The following GPR157 variants were observed in gnomAD, a reference collection of about 807,000 sequenced individuals.
The protein encoded by GPR157 is G protein-coupled receptor 157, also known as G-protein coupled receptor 157.
A neutral mutation model predicts 23.5 loss-of-function variants in GPR157; 16 were observed. The ratio of observed to expected loss-of-function variants is 0.68; its 90% CI spans 0.46 to 1.04. The LOEUF is 1.04. Ranked by LOEUF, GPR157 falls within the 50% of genes least tolerant of loss-of-function variation. The probability of loss-of-function intolerance (pLI) is 0.00; values close to 1 mark genes in which losing one functional copy is unlikely to be tolerated. For missense variants in GPR157, 440 were observed against 460.7 expected (o/e 0.96, Z 0.41); for synonymous variants, 200 against 221.5 (o/e 0.90, Z 0.86).
At chr1:9,111,962 T>TC (rs1218941832) in intron 1 of GPR157, among the ~76,000 whole-genome samples, 2 of 151,968 alleles carry the variant, frequency 1.3e-5, no homozygotes, top group African/African-American at 2.4e-5. Flanking sequence ...AGAGTGAGAC[T>TC]CCATCTCAAA....
Position 9,104,323 on chromosome 1 carries a change from A to G in GPR157, c.*96T>C. 1 of 877,856 alleles carries G rather than the reference A, an allele frequency of 1.1e-6. No individual in the cohort carries two copies. The highest frequency in any genetic ancestry group is 1.6e-5 in the South Asian group (1 of 63,756). 54.4% of individuals were successfully genotyped at this position (877,856 alleles called of 1,614,324 possible). A position where few individuals can be genotyped will look rare whatever the true frequency, so the allele number is the denominator to read the frequency against. On this transcript the variant is annotated 3_prime_UTR_variant, in exon 4 of 4. Coordinates refer to ENST00000377411, the MANE Select transcript of GPR157 (RefSeq NM_024980.5). The stretch of plus-strand genomic sequence containing the variant: ...CATCAATAGCGGGGGCTTCTGGTGC[A>G]GCAGACATGCACTTCTGCCCCTGCA...
rs972946170 is a variant in GPR157, at chr1:9,128,928, C to T, written c.100G>A (p.Ala34Thr). The T allele has an allele frequency of 6.5e-7, 1 of 1,535,708 alleles. No homozygotes were observed. Among genetic ancestry groups the T allele is most frequent in the Non-Finnish European group, 8.7e-7 (1 of 1,143,434 alleles). The change falls in exon 1 of 4, where the codon GCC becomes ACC. Residue 34 changes from alanine (A) to threonine (T), a missense_variant. Ala to Thr is a moderately conservative substitution (Grantham distance 58). Transcript: ENST00000377411. This position sits in a 1 kb window ranked among gnomAD's most constrained non-coding sequence, Gnocchi z 6.3. Reference sequence around the variant, plus strand: ...AGGTCGGGCCACAGGGCGTGCGTGGCCACCAGCAGGCCCGAGCCGAGCGCG... The same window carrying T: ...AGGTCGGGCCACAGGGCGTGCGTGGTCACCAGCAGGCCCGAGCCGAGCGCG... ...LSALGSGLLVATHALWPDLRS... is the reference protein window; with the variant it reads ...LSALGSGLLVTTHALWPDLRS...
intron 1 of GPR157, among the ~76,000 whole-genome samples, chr1:9,122,394 G>A (rs1638818397): frequency 6.6e-6 from 1 of 152,188 alleles, no homozygotes; most frequent in Non-Finnish European, 1.5e-5. Flanking sequence ...AGAATCAGTG[G>A]ACACGAAACG....
Position 9,128,186 on chromosome 1 carries a change from A to G in GPR157, c.383+459T>C. On this transcript the variant is annotated intron_variant, in intron 1 of 3. Transcript: ENST00000377411. The surrounding 1 kb of genome is among the most constrained non-coding windows in gnomAD (Gnocchi z 6.3). Reference sequence around the variant, plus strand: ...AGACACGGCAGCTCGGGAGTGGCGGAGTGCACCAAGCTCACTGTGGCTTGG... The same window carrying G: ...AGACACGGCAGCTCGGGAGTGGCGGGGTGCACCAAGCTCACTGTGGCTTGG... The G allele has an allele frequency of 1.4e-5, 6 of 441,514 alleles. 1 individual carries two copies. Among genetic ancestry groups the G allele is most frequent in the South Asian group, 5.1e-5 (3 of 59,322 alleles). 27.3% of individuals were successfully genotyped at this position (441,514 alleles called of 1,614,324 possible).
Position 9,120,699 on chromosome 1 carries a change from C to T in GPR157, c.383+7946G>A, listed in dbSNP as rs981973408. Among the ~76,000 whole-genome samples the T allele has an allele frequency of 2.6e-5, 4 of 152,308 alleles. No homozygotes were observed. In the South Asian group the frequency reaches 6.2e-4, roughly 24 times the overall value. Reference sequence around the variant, plus strand: ...GTCTAAAGGAACTCGCAGATGCACACTCATGCCCTAGTGCCACCGTCTGTA... The same window carrying T: ...GTCTAAAGGAACTCGCAGATGCACATTCATGCCCTAGTGCCACCGTCTGTA... On this transcript the variant is annotated intron_variant, in intron 1 of 3. Coordinates refer to ENST00000377411, the MANE Select transcript of GPR157 (RefSeq NM_024980.5). The surrounding 1 kb of genome is among the most constrained non-coding windows in gnomAD (Gnocchi z 4.1).
At chr1:9,126,027 C>T (rs1304621078) in intron 1 of GPR157, among the ~76,000 whole-genome samples, 2 of 150,834 alleles carry the variant, frequency 1.3e-5, no homozygotes, top group Middle Eastern at 3.4e-3. Flanking sequence ...TGCAGTGGCG[C>T]GATCGTGGCT....
At chr1:9,126,427 CA>C (rs1241307500) in intron 1 of GPR157, among the ~76,000 whole-genome samples, 2 of 152,146 alleles carry the variant, frequency 1.3e-5, no homozygotes, top group Non-Finnish European at 2.9e-5. Flanking sequence ...GGGTTTAAAA[CA>C]ATTCAATTCC....
Position 9,128,375 on chromosome 1 carries a change from AC to A in GPR157, c.383+269del. ...GTCCTCCCCAGCCCCGTCCAAGGAA[AC>A]AGGGCCCGGCTCTGGGGGCGAACTC... On this transcript the variant is annotated intron_variant, in intron 1 of 3. Transcript: ENST00000377411. The surrounding 1 kb of genome is among the most constrained non-coding windows in gnomAD (Gnocchi z 6.3). 1.5e-6 allele frequency: 1 copy of A among 680,222 alleles called. No individual in the cohort carries two copies. The highest frequency in any genetic ancestry group is 2.7e-6 in the Non-Finnish European group (1 of 370,798). 42.1% of individuals were successfully genotyped at this position (680,222 alleles called of 1,614,324 possible). A position where few individuals can be genotyped will look rare whatever the true frequency, so the allele number is the denominator to read the frequency against.
At chr1:9,106,550 C>T (rs772920144) in intron 2 of GPR157, among the ~76,000 whole-genome samples, 6 of 152,234 alleles carry the variant, frequency 3.9e-5, no homozygotes, top group Admixed American at 1.3e-4. Context: ...CCCAGGGCTC[C>T]GCACTGGCTG....
intron 1 of GPR157, among the ~76,000 whole-genome samples, chr1:9,122,379 C>T (rs1415543984): frequency 6.6e-6 from 1 of 152,200 alleles, no homozygotes; most frequent in African/African-American, 2.4e-5. Flanking sequence ...ATTCAAAATG[C>T]TGTCAGAATC....
At chr1:9,114,432 A>AG (rs1393300589) in intron 1 of GPR157, among the ~76,000 whole-genome samples, 2 of 152,048 alleles carry the variant, frequency 1.3e-5, no homozygotes, top group African/African-American at 4.8e-5. Context: ...GATTCCGCTA[A>AG]GGAATTCTGG....
intron 1 of GPR157, among the ~76,000 whole-genome samples, chr1:9,116,276 T>TA (rs1557698065): frequency 5.4e-5 from 1 of 18,660 alleles, no homozygotes; most frequent in Non-Finnish European, 7.2e-5. Context: ...AATATAATTA[T>TA]ATATAAATTA....
chr1:9,115,693 C>T (rs564531934), intron 1 of GPR157, among the ~76,000 whole-genome samples: 1 of 152,164 alleles, frequency 6.6e-6, no homozygotes, highest in Non-Finnish European at 1.5e-5. Flanking sequence ...CCTGCCCCAA[C>T]ACAGCTGCCA....
intron 1 of GPR157, among the ~76,000 whole-genome samples, chr1:9,122,968 G>C (rs2124526636): frequency 6.6e-6 from 1 of 151,574 alleles, no homozygotes; most frequent in Admixed American, 6.6e-5. Context: ...ATCAGCCTGA[G>C]CAACACGGTG....
intron 1 of GPR157, among the ~76,000 whole-genome samples, chr1:9,121,552 A>G (rs1334450691): frequency 6.6e-6 from 1 of 151,980 alleles, no homozygotes; most frequent in Non-Finnish European, 1.5e-5. Flanking sequence ...AGGCAGGAGA[A>G]TGGCTTGAAC....
Position 9,105,719 on chromosome 1 carries a change from C to A in GPR157, c.598-39G>T. 6.6e-7 allele frequency: 1 copy of A among 1,524,270 alleles called. No individual in the cohort carries two copies. The highest frequency in any genetic ancestry group is 8.9e-7 in the Non-Finnish European group (1 of 1,125,780). The allele number at this position is 1,524,270 out of a possible 1,614,324, so 94.4% of individuals were successfully genotyped here. ...GCGAGGGCAGACTTGAGTGGATAGG[C>A]ACCCTCCCGCCACGTCCACCCAGGC... On this transcript the variant is annotated intron_variant, in intron 2 of 3. Transcript: ENST00000377411. The surrounding 1 kb of genome is among the most constrained non-coding windows in gnomAD (Gnocchi z 4.8).
chr1:9,127,716 G>T (rs1248072534), intron 1 of GPR157, among the ~76,000 whole-genome samples: 1 of 152,212 alleles, frequency 6.6e-6, no homozygotes, highest in Non-Finnish European at 1.5e-5. Context: ...CCAAAGTGCT[G>T]ACTGTGCTCG....
At chr1:9,112,233 G>A (rs1011951515) in intron 1 of GPR157, among the ~76,000 whole-genome samples, 2 of 152,228 alleles carry the variant, frequency 1.3e-5, no homozygotes, top group Non-Finnish European at 2.9e-5. Flanking sequence ...TTGGGTCTAG[G>A]AGTGCACACA....
At chr1:9,122,923 G>A (rs1446354945) in intron 1 of GPR157, among the ~76,000 whole-genome samples, 1 of 151,932 alleles carries the variant, frequency 6.6e-6, no homozygotes, top group Non-Finnish European at 1.5e-5. Flanking sequence ...TTGGGAGGCT[G>A]AGGTGGGTGG....
Sources: allele counts gnomAD v4.1 joint callset (sites outside exome capture counted in the v4.1 genomes callset), GRCh38; gene constraint gnomAD v4.1.1; non-coding constraint Gnocchi (gnomAD v3.1); transcripts MANE v1.5; gene names NCBI Gene and HGNC (gene_info 2026-07-23, HGNC 2026-07-21).